Variants in TIAM2 observed in about 807,000 individuals in gnomAD.
TIAM2 encodes TIAM Rac1 associated GEF 2.
TIAM2 carries 80 observed loss-of-function variants against 152.9 expected under a neutral mutation model. The ratio of observed to expected loss-of-function variants is 0.52; its 90% CI spans 0.44 to 0.63. TIAM2 has a LOEUF of 0.63. Among genes scored for constraint, TIAM2 ranks in the 30% least tolerant of loss-of-function variants. The probability of loss-of-function intolerance (pLI) is 0.00; values close to 1 mark genes in which losing one functional copy is unlikely to be tolerated. For synonymous variants in TIAM2, 804 were observed against 838.0 expected (o/e 0.96, Z 0.70); for missense variants, 1,965 against 2,120.1 (o/e 0.93, Z 1.44).
At chr6:155,256,407 C>T in intron 26 of TIAM2, 77 bp from the exon 27 acceptor site, 3 of 1,589,538 alleles carry the variant, frequency 1.9e-6, no homozygotes, top group East Asian at 2.2e-5. Flanking sequence ...TTAAATCTTA[C>T]ACAAGCTTTG....
At chr6:155,230,530 A>G (rs1266300348) in intron 15 of TIAM2, among the ~76,000 whole-genome samples, 1 of 64,792 alleles carries the variant, frequency 1.5e-5, no homozygotes, top group Non-Finnish European at 2.8e-5. Context: ...TCCCAGCCAG[A>G]CTCAAGGAGT....
intron 1 of TIAM2, among the ~76,000 whole-genome samples, chr6:155,080,441 CT>C (rs530793960): frequency 1.3e-3 from 194 of 145,104 alleles, no homozygotes; most frequent in East Asian, 0.013. Context: ...ACATGGCATC[CT>C]TTTTTTTTTT....
intron 14 of TIAM2, among the ~76,000 whole-genome samples, chr6:155,194,252 G>C (rs914672525): frequency 2.6e-5 from 4 of 152,196 alleles, no homozygotes; most frequent in African/African-American, 9.7e-5. Flanking sequence ...TGGAGACTCA[G>C]GTGCAAATGG....
chr6:155,042,200 A>ACCCGCC (rs1165592779), intron 1 of TIAM2, among the ~76,000 whole-genome samples: 1 of 151,548 alleles, frequency 6.6e-6, no homozygotes, highest in Non-Finnish European at 1.5e-5. Context: ...ACCACCGCAG[A>ACCCGCC]CCCGCCCCCG....
At chr6:155,061,010 A>G (rs1777568565) in intron 1 of TIAM2, among the ~76,000 whole-genome samples, 1 of 152,190 alleles carries the variant, frequency 6.6e-6, no homozygotes, top group Non-Finnish European at 1.5e-5. Flanking sequence ...TCTCTATTCC[A>G]GTTCCAGAAT....
Position 155,182,657 on chromosome 6 carries a change from A to ATG in TIAM2, c.2800+353_2800+354dup, listed in dbSNP as rs545541778. ...GCATATGCCTATATATAGAGAGAGCATGTGTGTGTGTGTGTTTAAAAGAGT... is the reference window on the plus strand; with the variant it reads ...GCATATGCCTATATATAGAGAGAGCATGTGTGTGTGTGTGTGTTTAAAAGAGT... On this transcript the variant is annotated intron_variant, in intron 13 of 26. Transcript: ENST00000682666. 9.0e-3 allele frequency among the ~76,000 whole-genome samples: 1,371 copies of ATG among 151,848 alleles called. 16 individuals carry two copies. Among genetic ancestry groups the ATG allele is most frequent in the African/African-American group, 0.031 (1,275 of 41,446 alleles).
chr6:155,114,693 C>T (rs11156013), intron 2 of TIAM2, among the ~76,000 whole-genome samples: 4 of 151,788 alleles, frequency 2.6e-5, no homozygotes, highest in African/African-American at 9.7e-5. Context: ...TTTATTCTTA[C>T]CTCTTCATCC....
At chr6:155,221,587 G>A (rs1402271161) in intron 15 of TIAM2, among the ~76,000 whole-genome samples, 1 of 152,186 alleles carries the variant, frequency 6.6e-6, no homozygotes, top group Non-Finnish European at 1.5e-5. Context: ...CAAACAGAAA[G>A]CCAAGTTCAA....
At chr6:155,087,658 A>G (rs1043667267) in intron 1 of TIAM2, among the ~76,000 whole-genome samples, 4 of 152,212 alleles carry the variant, frequency 2.6e-5, no homozygotes, top group Admixed American at 1.3e-4. Context: ...CTGAGGCAGG[A>G]GAATTGCTTG....
At position 155,179,098 on chromosome 6, in the gene TIAM2, T is replaced by C. The variant is rs759312038; in HGVS notation, c.2583T>C (p.Asn861=). Residue 861 remains asparagine (N), a synonymous_variant, in exon 11 of 27, where the codon AAT becomes AAC. Transcript: ENST00000682666. ...GLQLRKLVDD[N]VEYCIPAPYE... is the part of the protein sequence containing the mutation. ...AGCTTCGAAAATTAGTAGATGACAA[T>C]GTTGAGTATTGCATCCCTGCACCAT... is the stretch of plus-strand genomic sequence containing the variant. 3 of 1,614,012 alleles carry C rather than the reference T, an allele frequency of 1.9e-6. No homozygotes were observed. The Admixed American group carries it at 5.0e-5, about 27-fold the overall frequency.
rs931712771 is a variant in TIAM2 at position 155,129,391 on chromosome 6, G to A, written c.168G>A (p.Lys56=). The part of the protein sequence containing the change: ...WGHGSNGAGY[K]SRSLARSCLS... ...ACGGAAGCAACGGAGCAGGTTACAA[G>A]TCCAGGTCCCTGGCCCGAAGCTGCC... The change falls in exon 4 of 27, where the codon AAG becomes AAA. Residue 56 remains lysine, a synonymous_variant. Coordinates refer to ENST00000682666, the MANE Select transcript of TIAM2 (RefSeq NM_012454.4). The surrounding 1 kb of genome is among the most constrained non-coding windows in gnomAD (Gnocchi z 4.8). 3 of 1,614,008 alleles carry A rather than the reference G, an allele frequency of 1.9e-6. No individual in the cohort carries two copies. In the African/African-American group the frequency reaches 4.0e-5, roughly 22 times the overall value.
At chr6:155,124,547 C>G (rs937765326) in intron 2 of TIAM2, among the ~76,000 whole-genome samples, 1 of 151,474 alleles carries the variant, frequency 6.6e-6, no homozygotes, top group African/African-American at 2.4e-5. Flanking sequence ...TCAGGCTGGT[C>G]TCGAACTCCC....
At chr6:155,169,177 A>G (rs1780515472) in intron 9 of TIAM2, among the ~76,000 whole-genome samples, 1 of 152,022 alleles carries the variant, frequency 6.6e-6, no homozygotes, top group Non-Finnish European at 1.5e-5. Flanking sequence ...TTGTGTTTTT[A>G]GTAGACATGG....
intron 1 of TIAM2, among the ~76,000 whole-genome samples, chr6:155,063,848 T>C (rs996457341): frequency 6.7e-6 from 1 of 150,362 alleles, no homozygotes; most frequent in African/African-American, 2.4e-5. Context: ...ATGTATATTA[T>C]AACTGAATTA....
At chr6:155,102,554 C>T (rs1362689778) in intron 2 of TIAM2, among the ~76,000 whole-genome samples, 1 of 152,054 alleles carries the variant, frequency 6.6e-6, no homozygotes, top group Non-Finnish European at 1.5e-5. Flanking sequence ...ACTTTTCATT[C>T]TGGGGGTGTT....
At chr6:155,021,626 A>G (rs1476549278) in intron 1 of TIAM2, among the ~76,000 whole-genome samples, 1 of 152,134 alleles carries the variant, frequency 6.6e-6, no homozygotes, top group Non-Finnish European at 1.5e-5. Context: ...GCACCATTTT[A>G]CATTCCAATC....
chr6:155,249,978 G>C lies in TIAM2; in HGVS notation c.3951+9G>C. On this transcript the variant is annotated intron_variant, in intron 21 of 26. Coordinates refer to ENST00000682666, the MANE Select transcript of TIAM2 (RefSeq NM_012454.4). ...GCGGAACAGAGAAGGAGGTCCGTGA[G>C]ACATCTGCACCCTGGGAGCCTAGTG... 6.2e-7 allele frequency: 1 copy of C among 1,607,594 alleles called. No individual in the cohort carries two copies. The highest frequency in any genetic ancestry group is 8.5e-7 in the Non-Finnish European group (1 of 1,175,816).
At chr6:155,043,073 C>T (rs1471968973) in intron 1 of TIAM2, among the ~76,000 whole-genome samples, 3 of 150,366 alleles carry the variant, frequency 2.0e-5, no homozygotes, top group Non-Finnish European at 4.5e-5. Context: ...GCATTATGAC[C>T]TCTGTGATGC....
Position 155,137,520 on chromosome 6 carries a change from T to C in TIAM2, c.1538T>C (p.Leu513Pro). The C allele has an allele frequency of 6.2e-7, 1 of 1,614,058 alleles. No homozygotes were observed. Among genetic ancestry groups the C allele is most frequent in the Non-Finnish European group, 8.5e-7 (1 of 1,180,032 alleles). ...GGGGTGGTCCGGAAGGCCGGGTGGC[T>C]CTTCTTCAAGCCCCTGGTCACTGTG... ...EQGVVRKAGW[L>P]FFKPLVTVQK... Residue 513 changes from leucine to proline, a missense_variant, in exon 5 of 27, where the codon CTC (leucine) becomes CCC (proline). Coordinates refer to ENST00000682666, the MANE Select transcript of TIAM2 (RefSeq NM_012454.4).
Sources: allele counts gnomAD v4.1 joint callset (sites outside exome capture counted in the v4.1 genomes callset), GRCh38; gene constraint gnomAD v4.1.1; non-coding constraint Gnocchi (gnomAD v3.1); transcripts MANE v1.5; gene names NCBI Gene and HGNC (gene_info 2026-07-23, HGNC 2026-07-21).